Variants in KBTBD3 observed in about 807,000 individuals in gnomAD.
The protein encoded by KBTBD3 is kelch repeat and BTB domain containing 3.
KBTBD3 carries 38 observed loss-of-function variants against 49.6 expected under a neutral mutation model. The ratio of observed to expected loss-of-function variants is 0.77; its 90% CI spans 0.59 to 1.00. KBTBD3 has a LOEUF of 1.00. Ranked by LOEUF, KBTBD3 falls within the 50% of genes least tolerant of loss-of-function variation. KBTBD3 has a pLI of 0.00. For missense variants in KBTBD3, 661 were observed against 712.0 expected, an observed-to-expected ratio of 0.93 and a Z score of 0.81; for synonymous variants, 214 against 250.4, an observed-to-expected ratio of 0.85 and a Z score of 1.37.
At position 106,051,136 on chromosome 11, in the gene KBTBD3, T is replaced by G. The variant is rs887877368; in HGVS notation, c.*1714A>C. ...CAATATTTATTTTAAACATACTCTATTAATATATATCCTTAAATTAACAAT... is the reference window on the plus strand; with the variant it reads ...CAATATTTATTTTAAACATACTCTAGTAATATATATCCTTAAATTAACAAT... On this transcript the variant is annotated 3_prime_UTR_variant, in exon 4 of 4. Coordinates refer to ENST00000531837, the MANE Select transcript of KBTBD3 (RefSeq NM_198439.3). 1 of 151,794 alleles carries G rather than the reference T, an allele frequency of 6.6e-6. No individual in the cohort carries two copies. The highest frequency in any genetic ancestry group is 1.5e-5 in the Non-Finnish European group (1 of 67,784). The allele number at this position is 151,794 out of a possible 1,614,324, so 9.4% of individuals were successfully genotyped here. A position where few individuals can be genotyped will look rare whatever the true frequency, so the allele number is the denominator to read the frequency against.
rs572344720 is a variant in KBTBD3 at position 106,054,247 on chromosome 11, T to G, written c.442A>C (p.Ser148Arg). 6.2e-7 allele frequency: 1 copy of G among 1,611,366 alleles called. No individual in the cohort carries two copies. The highest frequency in any genetic ancestry group is 2.2e-5 in the East Asian group (1 of 44,782). The change falls in exon 4 of 4, where the codon AGT becomes CGT. Residue 148 changes from serine (S) to arginine (R), a missense_variant. Transcript: ENST00000531837. ...TGTAAACAATTGACAAGATTAATACTTTTTATTAAAAAGTCACTGCAAGCT... is the reference window on the plus strand; with the variant it reads ...TGTAAACAATTGACAAGATTAATACGTTTTATTAAAAAGTCACTGCAAGCT... ...SKACSDFLIK[S>R]INLVNCLQLL...
chr11:106,075,673 G>A (rs1861013576), intron 2 of KBTBD3: 1 of 152,188 alleles, frequency 6.6e-6, no homozygotes, highest in Non-Finnish European at 1.5e-5. Flanking sequence ...TATAAAATAT[G>A]TTCACAGGGT....
At chr11:106,057,612 T>C (rs1591534191) in intron 3 of KBTBD3, 1 of 153,698 alleles carries the variant, frequency 6.5e-6, no homozygotes, top group Admixed American at 6.5e-5. Context: ...GCTGTCATCA[T>C]AGTGATTACT....
Position 106,053,195 on chromosome 11 carries a change from A to G in KBTBD3, c.1494T>C (p.His498=), listed in dbSNP as rs748316452. 4 of 1,613,578 alleles carry G rather than the reference A, an allele frequency of 2.5e-6. No individual in the cohort carries two copies. The African/African-American group carries it at 5.3e-5, about 22-fold the overall frequency. ...ELVAEFGQFF[H]ATLIKAVPVN... is the part of the protein sequence containing the mutation. The stretch of plus-strand genomic sequence containing the variant: ...CTGGTACAGCTTTAATTAATGTTGC[A>G]TGAAAAAATTGCCCAAACTCTGCTA... The change falls in exon 4 of 4, where the codon CAT becomes CAC. Residue 498 remains histidine (H), a synonymous_variant. Transcript: ENST00000531837.
intron 2 of KBTBD3, chr11:106,075,482 C>T (rs893156501): frequency 5.9e-5 from 9 of 152,072 alleles, no homozygotes; most frequent in Admixed American, 2.6e-4. Flanking sequence ...AGATAACACA[C>T]ATGAAAATAA....
At chr11:106,065,037 G>C (rs1338102954) in intron 2 of KBTBD3, among the ~76,000 whole-genome samples, 1 of 152,192 alleles carries the variant, frequency 6.6e-6, no homozygotes, top group Non-Finnish European at 1.5e-5. Flanking sequence ...AAGGATATTT[G>C]ATCAACATGG....
Position 106,051,576 on chromosome 11 carries a change from T to A in KBTBD3, c.*1274A>T, listed in dbSNP as rs965002339. 6.6e-6 allele frequency: 1 copy of A among 151,898 alleles called. No individual in the cohort carries two copies. Among genetic ancestry groups the A allele is most frequent in the African/African-American group, 2.4e-5 (1 of 41,408 alleles). 9.4% of individuals were successfully genotyped at this position (151,898 alleles called of 1,614,324 possible). A position where few individuals can be genotyped will look rare whatever the true frequency, so the allele number is the denominator to read the frequency against. On this transcript the variant is annotated 3_prime_UTR_variant, in exon 4 of 4. Coordinates refer to ENST00000531837, the MANE Select transcript of KBTBD3 (RefSeq NM_198439.3). Reference sequence around the variant, plus strand: ...TACATTTGGTTCCAGAGAAGTACAATCTACACATTACCTGAGATGTAAAGC... The same window carrying A: ...TACATTTGGTTCCAGAGAAGTACAAACTACACATTACCTGAGATGTAAAGC...
chr11:106,064,373 C>T (rs1014560160), intron 2 of KBTBD3, among the ~76,000 whole-genome samples: 1 of 151,666 alleles, frequency 6.6e-6, no homozygotes, highest in Non-Finnish European at 1.5e-5. Flanking sequence ...TGGTGAAACC[C>T]CGTCTCTATG....
At chr11:106,072,559 A>G (rs1409513774) in intron 2 of KBTBD3, among the ~76,000 whole-genome samples, 3 of 152,174 alleles carry the variant, frequency 2.0e-5, no homozygotes. Context: ...CTTTTTTTTA[A>G]AAGCCTTCCA....
In KBTBD3 at chr11:106,054,230, A is replaced by G. The variant is rs538626542; in HGVS notation, c.459T>C (p.Asn153=). 6.2e-7 allele frequency: 1 copy of G among 1,612,028 alleles called. No homozygotes were observed. The highest frequency in any genetic ancestry group is 1.1e-5 in the South Asian group (1 of 90,790). Residue 153 remains asparagine, a synonymous_variant, in exon 4 of 4, where the codon AAT becomes AAC. Transcript: ENST00000531837. ...DFLIKSINLV[N]CLQLLSISDS... is the part of the protein sequence containing the mutation. ...CTGATATAGATAATAACTGTAAACA[A>G]TTGACAAGATTAATACTTTTTATTA...
At chr11:106,059,158 T>A (rs1860628809) in intron 2 of KBTBD3, 49 bp from the exon 3 acceptor site, 1 of 1,084,850 alleles carries the variant, frequency 9.2e-7, no homozygotes, top group Non-Finnish European at 1.3e-6. Context: ...AATGCAAGTT[T>A]CAGACTCCAA....
In KBTBD3 at chr11:106,052,581, T is replaced by C. The variant is rs1049451237; in HGVS notation, c.*269A>G. 6.3e-5 allele frequency: 21 copies of C among 333,726 alleles called. No homozygotes were observed. Among genetic ancestry groups the C allele is most frequent in the African/African-American group, 4.1e-4 (19 of 46,542 alleles). 20.7% of individuals were successfully genotyped at this position (333,726 alleles called of 1,614,324 possible). ...TTTTATGGACAGAGTACTTTAAAAA[T>C]CAAAGTGTCAGAGTCTATGATTTGT... On this transcript the variant is annotated 3_prime_UTR_variant, in exon 4 of 4. Transcript: ENST00000531837.
intron 2 of KBTBD3, among the ~76,000 whole-genome samples, chr11:106,068,789 T>C (rs990985649): frequency 9.7e-4 from 148 of 152,198 alleles, no homozygotes; most frequent in African/African-American, 3.4e-3. Flanking sequence ...CTCACAAATA[T>C]AGATGCAAAA....
intron 2 of KBTBD3, among the ~76,000 whole-genome samples, chr11:106,064,278 GCTCACCC>G (rs1860760892): frequency 6.6e-6 from 1 of 152,032 alleles, no homozygotes; most frequent in Non-Finnish European, 1.5e-5. Flanking sequence ...GGGAGTGGTG[GCTCACCC>G]CTGTAATCCC....
chr11:106,065,746 A>G (rs1385763075), intron 2 of KBTBD3, among the ~76,000 whole-genome samples: 1 of 152,114 alleles, frequency 6.6e-6, no homozygotes, highest in Non-Finnish European at 1.5e-5. Flanking sequence ...GGATCACCAG[A>G]GATCAGGAGT....
At position 106,053,355 on chromosome 11, in the gene KBTBD3, T is replaced by C. The variant is rs756383157; in HGVS notation, c.1334A>G (p.Tyr445Cys). The change falls in exon 4 of 4, where the codon TAC (tyrosine) becomes TGC (cysteine). Residue 445 changes from tyrosine (Y) to cysteine (C), a missense_variant. By Grantham distance (194) the Tyr-to-Cys change is radical (BLOSUM62 -2). Coordinates refer to ENST00000531837, the MANE Select transcript of KBTBD3 (RefSeq NM_198439.3). ...ISVSPLPRGI[Y>C]YPEASTCQNV... ...TTGGCATGTGCTTGCTTCTGGATAG[T>C]ATATGCCTCTGGGTAATGGGCTAAC... 4 of 1,613,358 alleles carry C rather than the reference T, an allele frequency of 2.5e-6. No individual in the cohort carries two copies. The highest frequency in any genetic ancestry group is 1.3e-5 in the African/African-American group (1 of 75,036).
intron 2 of KBTBD3, among the ~76,000 whole-genome samples, chr11:106,066,319 G>A (rs982045560): frequency 6.6e-6 from 1 of 152,016 alleles, no homozygotes; most frequent in Non-Finnish European, 1.5e-5. Flanking sequence ...TGAAGGTACC[G>A]GGATTTATCA....
In KBTBD3 at chr11:106,053,522, C is replaced by T. The variant is rs1860474190; in HGVS notation, c.1167G>A (p.Met389Ile). The T allele has an allele frequency of 6.2e-7, 1 of 1,613,726 alleles. No individual in the cohort carries two copies. The highest frequency in any genetic ancestry group is 8.5e-7 in the Non-Finnish European group (1 of 1,179,846). ...VKNDFFLVST[M>I]KTPRTMHTSV... The stretch of plus-strand genomic sequence containing the variant: ...ATGTATGCATGGTTCTTGGTGTTTT[C>T]ATAGTTGATACCAAGAAGAAATCAT... Residue 389 changes from methionine (M) to isoleucine (I), a missense_variant, in exon 4 of 4, where the codon ATG becomes ATA. Coordinates refer to ENST00000531837, the MANE Select transcript of KBTBD3 (RefSeq NM_198439.3).
In KBTBD3 at chr11:106,053,874, A is replaced by C. The variant is rs1299426310; in HGVS notation, c.815T>G (p.Met272Arg). 1.2e-6 allele frequency: 2 copies of C among 1,614,034 alleles called. No individual in the cohort carries two copies. Among genetic ancestry groups the C allele is most frequent in the Non-Finnish European group, 1.7e-6 (2 of 1,179,932 alleles). Residue 272 changes from methionine (M) to arginine (R), a missense_variant, in exon 4 of 4, where the codon ATG becomes AGG. Transcript: ENST00000531837. ...ACCTTGCACACACTTAATTGCATCC[A>C]TGATTATGTCAAAACAGTTTGTGCT... is the stretch of plus-strand genomic sequence containing the variant. Reference protein sequence around the residue: ...LKSTNCFDIIMDAIKCVQGSG... With the variant: ...LKSTNCFDIIRDAIKCVQGSG...
Sources: allele counts gnomAD v4.1 joint callset (sites outside exome capture counted in the v4.1 genomes callset), GRCh38; gene constraint gnomAD v4.1.1; transcripts MANE v1.5; gene names NCBI Gene and HGNC (gene_info 2026-07-23, HGNC 2026-07-21).